Variants in LAMC1 observed in about 807,000 individuals in gnomAD.
LAMC1 encodes laminin subunit gamma-1.
In LAMC1, 38 loss-of-function variants were observed where a neutral mutation model predicts 173.6. The observed-to-expected ratio is 0.22, with a 90% CI of 0.17 to 0.29. The LOEUF (loss-of-function observed/expected upper bound fraction) is 0.29, where lower values mean the gene tolerates loss of function less well. Ranked by LOEUF, LAMC1 falls within the 10% of genes least tolerant of loss-of-function variation. The pLI, the probability that LAMC1 is intolerant of heterozygous loss-of-function variation, is 1.00. For synonymous variants in LAMC1, 746 were observed against 749.1 expected (o/e 1.00, Z 0.07); for missense variants, 1,824 against 2,051.8 (o/e 0.89, Z 2.14).
intron 1 of LAMC1, among the ~76,000 whole-genome samples, chr1:183,047,950 C>T (rs1422301132): frequency 6.6e-6 from 1 of 151,958 alleles, no homozygotes; most frequent in East Asian, 1.9e-4. Flanking sequence ...TTTAGCTTAC[C>T]GAGAGTTAGT....
Position 183,056,061 on chromosome 1 carries a change from G to A in LAMC1, c.418+31927G>A, listed in dbSNP as rs73051735. 9.2e-3 allele frequency among the ~76,000 whole-genome samples: 1,398 copies of A among 152,320 alleles called. 15 individuals are homozygous for A. Among genetic ancestry groups the A allele is most frequent in the African/African-American group, 0.032 (1,333 of 41,568 alleles). ...GTCCTCTTTCTTTAGTAAAGATGGA[G>A]TAGAACTGGCCCAGTCCCCTCTGCT... On this transcript the variant is annotated intron_variant, in intron 1 of 27. Coordinates refer to ENST00000258341, the MANE Select transcript of LAMC1 (RefSeq NM_002293.4).
chr1:183,071,356 C>T (rs1029080851), intron 1 of LAMC1, among the ~76,000 whole-genome samples: 3 of 149,914 alleles, frequency 2.0e-5, no homozygotes, highest in African/African-American at 7.3e-5. Context: ...TGTCCAGATA[C>T]AGCTGTAATT....
At chr1:183,035,172 G>A (rs1571400149) in intron 1 of LAMC1, among the ~76,000 whole-genome samples, 1 of 152,104 alleles carries the variant, frequency 6.6e-6, no homozygotes, top group East Asian at 1.9e-4. Flanking sequence ...TAAGAACAGA[G>A]GATTTTTTTT....
intron 1 of LAMC1, among the ~76,000 whole-genome samples, chr1:183,065,360 T>TG (rs1654851792): frequency 6.6e-6 from 1 of 152,186 alleles, no homozygotes; most frequent in Non-Finnish European, 1.5e-5. Context: ...CCAAAATCTG[T>TG]GGGGCAGGCC....
Position 183,117,611 on chromosome 1 carries a change from C to T in LAMC1, c.1765C>T (p.Arg589Cys), listed in dbSNP as rs977899893. The T allele has an allele frequency of 4.3e-6, 7 of 1,614,038 alleles. No homozygotes were observed. Among genetic ancestry groups the T allele is most frequent in the Non-Finnish European group, 5.9e-6 (7 of 1,180,036 alleles). ...FSFRVDRRDTRLSAEDLVLEG... is the reference protein window; with the variant it reads ...FSFRVDRRDTCLSAEDLVLEG... ...CTTTCGAGTGGACAGGCGAGATACT[C>T]GCCTCTCTGCAGAAGACCTTGTGCT... Residue 589 changes from arginine to cysteine, a missense_variant, in exon 10 of 28, where the codon CGC (arginine) becomes TGC (cysteine). By Grantham distance (180) the Arg-to-Cys change is radical. Transcript: ENST00000258341.
In LAMC1 at chr1:183,137,387, A is replaced by G. The variant is rs189448586; in HGVS notation, c.4315-282A>G. ...ATCATTTGCTGTCTGTATGACCCCA[A>G]CTAAAAATAGCAATAATAGAACAGA... On this transcript the variant is annotated intron_variant, in intron 25 of 27. Coordinates refer to ENST00000258341, the MANE Select transcript of LAMC1 (RefSeq NM_002293.4). Among the ~76,000 whole-genome samples the G allele has an allele frequency of 1.1e-3, 171 of 152,302 alleles. 2 individuals are homozygous for G. The highest frequency in any genetic ancestry group is 2.0e-3 in the African/African-American group (84 of 41,568).
At chr1:183,033,006 T>C (rs1036956999) in intron 1 of LAMC1, among the ~76,000 whole-genome samples, 2 of 152,194 alleles carry the variant, frequency 1.3e-5, no homozygotes, top group African/African-American at 4.8e-5. Context: ...CTTCATTATA[T>C]GTAAATTATT....
At chr1:183,131,155 C>T (rs989419216) in intron 19 of LAMC1, 144 bp from the exon 20 acceptor site, 8 of 568,424 alleles carry the variant, frequency 1.4e-5, no homozygotes, top group Middle Eastern at 3.2e-4. Context: ...GCCTGGGCAA[C>T]AAGAGTGAAA....
At chr1:183,117,780 T>TA in intron 10 of LAMC1, 57 bp downstream of exon 10, 1 of 1,470,008 alleles carries the variant, frequency 6.8e-7, no homozygotes, top group Admixed American at 1.8e-5. Context: ...AGTGGTGTCT[T>TA]TATTTAAGTT....
Position 183,110,517 on chromosome 1 carries a change from G to T in LAMC1, c.884G>T (p.Cys295Phe). The T allele has an allele frequency of 1.9e-6, 3 of 1,613,622 alleles. No individual in the cohort carries two copies. The highest frequency in any genetic ancestry group is 2.5e-6 in the Non-Finnish European group (3 of 1,179,672). ...AAATGTAATGGACACGCAAGCGAGT[G>T]TATGAAGAACGAATTTGATAAGCTG... ...RCKCNGHASE[C>F]MKNEFDKLVC... is the part of the protein sequence containing the mutation. Residue 295 changes from cysteine to phenylalanine, a missense_variant, in exon 4 of 28, where the codon TGT (cysteine) becomes TTT (phenylalanine). Transcript: ENST00000258341.
intron 12 of LAMC1, 38 bp downstream of exon 12, chr1:183,121,982 C>A (rs376901407): frequency 6.2e-7 from 1 of 1,608,738 alleles, no homozygotes; most frequent in Middle Eastern, 1.7e-4. Context: ...CCTAACTTCT[C>A]TTTAGCAATT....
At chr1:183,091,089 T>A (rs899362555) in intron 1 of LAMC1, among the ~76,000 whole-genome samples, 4 of 152,228 alleles carry the variant, frequency 2.6e-5, no homozygotes, top group African/African-American at 4.8e-5. Context: ...TTAAATCTTA[T>A]AAAATTTCTG....
At position 183,092,504 on chromosome 1, in the gene LAMC1, A is replaced by T. The variant is rs544032368; in HGVS notation, c.419-10824A>T. The stretch of plus-strand genomic sequence containing the variant: ...AAACTTGTGGAGATGAGGCTCAACA[A>T]TTTGCATTTTCAAAAGCTCTGTGGG... On this transcript the variant is annotated intron_variant, in intron 1 of 27. Coordinates refer to ENST00000258341, the MANE Select transcript of LAMC1 (RefSeq NM_002293.4). Among the ~76,000 whole-genome samples, 244 of 152,082 alleles carry T rather than the reference A, an allele frequency of 1.6e-3. 1 individual carries two copies. The highest frequency in any genetic ancestry group is 3.4e-4 in the Non-Finnish European group (23 of 68,004).
At chr1:183,120,167 CAA>C (rs55642592) in intron 11 of LAMC1, among the ~76,000 whole-genome samples, 19 of 64,730 alleles carry the variant, frequency 2.9e-4, no homozygotes, top group African/African-American at 1.0e-3. Context: ...GGATCTATCT[CAA>C]AAAAAAAAAA....
Position 183,124,671 on chromosome 1 carries a change from C to A in LAMC1, c.2442C>A (p.Asp814Glu). 1.2e-6 allele frequency: 2 copies of A among 1,614,140 alleles called. No individual in the cohort carries two copies. The highest frequency in any genetic ancestry group is 1.7e-6 in the Non-Finnish European group (2 of 1,179,984). ...CELCDDGYFG[D>E]PLGRNGPVRL... ...TCTGTGATGATGGCTACTTTGGAGACCCCCTGGGTAGAAACGGCCCTGTGA... is the reference window on the plus strand; with the variant it reads ...TCTGTGATGATGGCTACTTTGGAGAACCCCTGGGTAGAAACGGCCCTGTGA... The change falls in exon 14 of 28, where the codon GAC (aspartate) becomes GAA (glutamate). Residue 814 changes from aspartate (D) to glutamate (E), a missense_variant. By Grantham distance (45) the Asp-to-Glu change is conservative. Transcript: ENST00000258341.
chr1:183,116,170 G>A (rs1436501968), intron 6 of LAMC1, among the ~76,000 whole-genome samples: 2 of 150,476 alleles, frequency 1.3e-5, no homozygotes, highest in East Asian at 2.0e-4. Context: ...TTTGTTCTAT[G>A]TGTATTTCTT....
Position 183,108,376 on chromosome 1 carries a change from A to T in LAMC1, c.824A>T (p.Tyr275Phe). The change falls in exon 3 of 28, where the codon TAT becomes TTT. Residue 275 changes from tyrosine (Y) to phenylalanine (F), a missense_variant. By Grantham distance (22) the Tyr-to-Phe change is conservative (BLOSUM62 3). Coordinates refer to ENST00000258341, the MANE Select transcript of LAMC1 (RefSeq NM_002293.4). ...NDPKVLKSYYYAISDFAVGGR... is the reference protein window; with the variant it reads ...NDPKVLKSYYFAISDFAVGGR... ...CCCAAAGTTCTCAAGTCCTATTATT[A>T]TGCCATCTCTGATTTTGCTGTAGGT... The T allele has an allele frequency of 6.2e-7, 1 of 1,613,356 alleles. No individual in the cohort carries two copies. Among genetic ancestry groups the T allele is most frequent in the Non-Finnish European group, 8.5e-7 (1 of 1,179,524 alleles).
At position 183,133,493 on chromosome 1, in the gene LAMC1, TGTGGAGATCTATGCCAGC is replaced by T. The variant is rs777673322; in HGVS notation, c.3797_3814del (p.Glu1266_Val1271del). The T allele has an allele frequency of 3.0e-5, 49 of 1,614,082 alleles. No homozygotes were observed. Among genetic ancestry groups the T allele is most frequent in the Non-Finnish European group, 3.9e-5 (46 of 1,179,984 alleles). ...AGGCCAAAAGGGCCGGTGACAAAGC[TGTGGAGATCTATGCCAGC>T]GTGGCTCAGCTGAGCCCTTTGGACT... On this transcript the variant is annotated inframe_deletion, in exon 22 of 28. Coordinates refer to ENST00000258341, the MANE Select transcript of LAMC1 (RefSeq NM_002293.4).
chr1:183,026,785 A>C (rs1293594000), intron 1 of LAMC1, among the ~76,000 whole-genome samples: 1 of 152,264 alleles, frequency 6.6e-6, no homozygotes, highest in Non-Finnish European at 1.5e-5. Flanking sequence ...TAAAATAAGC[A>C]GTCAAATCAT....
Sources: gnomAD v4.1 joint callset for allele counts (sites outside exome capture counted in the v4.1 genomes callset) on GRCh38, gnomAD v4.1.1 for gene constraint, MANE v1.5 for transcripts, NCBI Gene and HGNC (gene_info 2026-07-23, HGNC 2026-07-21) for gene names.